The following WDR81 variants were observed in gnomAD, a reference collection of about 807,000 sequenced individuals.
WDR81 encodes WD repeat domain 81, also known as WD repeat-containing protein 81.
Under a neutral mutation model 140.8 loss-of-function variants are expected in WDR81, and 92 were observed. The ratio of observed to expected loss-of-function variants is 0.65; its 90% confidence interval spans 0.55 to 0.78. The LOEUF is 0.78. Ranked by LOEUF, WDR81 falls within the 30% of genes least tolerant of loss-of-function variation. The pLI is 0.00. For missense variants in WDR81, 2,502 were observed against 2,636.4 expected (o/e 0.95, Z 1.12); for synonymous variants, 1,183 against 1,156.4 (o/e 1.02, Z -0.47).
intron 1 of WDR81, among the ~76,000 whole-genome samples, chr17:1,718,168 A>G (rs887221422): frequency 6.6e-6 from 1 of 150,926 alleles, no homozygotes; most frequent in Non-Finnish European, 1.5e-5. Flanking sequence ...CCCAGGCTGG[A>G]GTGCAGTGGC....
At position 1,737,713 on chromosome 17, in the gene WDR81, G is replaced by A; in HGVS notation, c.*28G>A. On this transcript the variant is annotated 3_prime_UTR_variant, in exon 10 of 10. Transcript: ENST00000409644. The stretch of plus-strand genomic sequence containing the variant: ...TGAGGCAGGAGCTGGCCGGGCAAGG[G>A]TGGGAAGACATCTGCGGGCGCGTGT... The A allele has an allele frequency of 1.3e-6, 2 of 1,581,210 alleles. No homozygotes were observed. The highest frequency in any genetic ancestry group is 8.6e-7 in the Non-Finnish European group (1 of 1,165,254).
rs1904312283 is a variant in WDR81, at chr17:1,730,933, C to T, written c.3954C>T (p.Tyr1318=). 6.2e-7 allele frequency: 1 copy of T among 1,613,120 alleles called. No homozygotes were observed. Reference sequence around the variant, plus strand: ...TCCTCACCTACCAGTACCTGCCCTACATCAGCTACCTGGTCAGTCGCTGGT... The same window carrying T: ...TCCTCACCTACCAGTACCTGCCCTATATCAGCTACCTGGTCAGTCGCTGGT... ...EPVLTYQYLP[Y]ISYLVAPGSA... is the part of the protein sequence containing the mutation. Residue 1318 remains tyrosine (Y), a synonymous_variant, in exon 3 of 10, where the codon TAC becomes TAT. Coordinates refer to ENST00000409644, the MANE Select transcript of WDR81 (RefSeq NM_001163809.2).
upstream of WDR81, chr17:1,716,531 G>A: frequency 6.5e-7 from 1 of 1,548,590 alleles, no homozygotes; most frequent in Middle Eastern, 1.7e-4. Context: ...TCAAACGAGA[G>A]TCCTAAAGAG....
rs1190962358 is a variant in WDR81 at position 1,727,390 on chromosome 17, C to T, written c.2431C>T (p.Pro811Ser). 1.2e-5 allele frequency: 18 copies of T among 1,550,168 alleles called. No homozygotes were observed. Among genetic ancestry groups the T allele is most frequent in the African/African-American group, 5.5e-5 (4 of 73,054 alleles). ...QAVRGLCTRH[P>S]KEVPVSLQPV... ...TGTCCGAGGGCTCTGCACGCGCCAC[C>T]CCAAGGAGGTCCCTGTGTCTTTGCA... Residue 811 changes from proline (P) to serine (S), a missense_variant, in exon 1 of 10, where the codon CCC (proline) becomes TCC (serine). Pro to Ser is a moderately conservative substitution (Grantham distance 74). Coordinates refer to ENST00000409644, the MANE Select transcript of WDR81 (RefSeq NM_001163809.2).
chr17:1,723,073 A>G (rs1364861379), upstream of WDR81, among the ~76,000 whole-genome samples: 1 of 152,302 alleles, frequency 6.6e-6, no homozygotes, highest in East Asian at 1.9e-4. Context: ...CTCTCTCCTA[A>G]GAGGGAGACA....
rs1016431213 is a variant in WDR81 at position 1,730,836 on chromosome 17, T to A, written c.3857T>A (p.Val1286Asp). ...GGCAACATCTACCAGAAGAGGCCGG[T>A]CCTGGGCGACATCGTGTCAGGGCCT... is the stretch of plus-strand genomic sequence containing the variant. ...SAGNIYQKRP[V>D]LGDIVSGPVL... Residue 1286 changes from valine to aspartate, a missense_variant, in exon 3 of 10, where the codon GTC becomes GAC. Coordinates refer to ENST00000409644, the MANE Select transcript of WDR81 (RefSeq NM_001163809.2). The A allele has an allele frequency of 1.9e-5, 30 of 1,612,616 alleles. No homozygotes were observed. Among genetic ancestry groups the A allele is most frequent in the Non-Finnish European group, 2.5e-5 (29 of 1,179,982 alleles).
In WDR81 at chr17:1,727,555, C is replaced by T. The variant is rs917036664; in HGVS notation, c.2596C>T (p.Pro866Ser). 2.6e-6 allele frequency: 4 copies of T among 1,550,344 alleles called. No homozygotes were observed. Among genetic ancestry groups the T allele is most frequent in the African/African-American group, 2.7e-5 (2 of 73,038 alleles). The stretch of plus-strand genomic sequence containing the variant: ...ACCCTGCCCAAGCCAGCTTCTCAGC[C>T]CCTTCAGCTCCGTGGTTCCCTTCCC... ...PPPCPSQLLSPFSSVVPFPPY... is the reference protein window; with the variant it reads ...PPPCPSQLLSSFSSVVPFPPY... Residue 866 changes from proline to serine, a missense_variant, in exon 1 of 10, where the codon CCC (proline) becomes TCC (serine). By Grantham distance (74) the Pro-to-Ser change is moderately conservative. Coordinates refer to ENST00000409644, the MANE Select transcript of WDR81 (RefSeq NM_001163809.2).
chr17:1,719,419 C>T (rs1266298821), intron 1 of WDR81, among the ~76,000 whole-genome samples: 4 of 151,374 alleles, frequency 2.6e-5, no homozygotes, highest in African/African-American at 9.7e-5. Context: ...TGGTGGCGGG[C>T]GCCTGTAGTG....
chr17:1,734,251 G>C lies in WDR81; in HGVS notation c.5179+35G>C, dbSNP rs777042434. 2.0e-6 allele frequency: 3 copies of C among 1,507,174 alleles called. No homozygotes were observed. In the African/African-American group the frequency reaches 4.1e-5, roughly 21 times the overall value. The allele number at this position is 1,507,174 out of a possible 1,614,324, so 93.4% of individuals were successfully genotyped here. A position where few individuals can be genotyped will look rare whatever the true frequency, so the allele number is the denominator to read the frequency against. On this transcript the variant is annotated intron_variant, in intron 7 of 9. Coordinates refer to ENST00000409644, the MANE Select transcript of WDR81 (RefSeq NM_001163809.2). The stretch of plus-strand genomic sequence containing the variant: ...CCCAGGTGAGGCCTGTTCTCTTCCT[G>C]CTCCTGCGCCCCACCAGGCCTCCAG...
Position 1,732,982 on chromosome 17 carries a change from C to T in WDR81, c.4489+151C>T, listed in dbSNP as rs549429580. On this transcript the variant is annotated intron_variant, in intron 6 of 9. Transcript: ENST00000409644. ...AAGGGATTTGGCCTCAGACCCCTACCCCCAAGGTGACACACAAACAAGGAC... is the reference window on the plus strand; with the variant it reads ...AAGGGATTTGGCCTCAGACCCCTACTCCCAAGGTGACACACAAACAAGGAC... The T allele has an allele frequency of 2.3e-5, 22 of 961,444 alleles. No homozygotes were observed. In the Middle Eastern group the frequency reaches 1.2e-3, roughly 52 times the overall value. The allele number at this position is 961,444 out of a possible 1,614,324, so 59.6% of individuals were successfully genotyped here. A position where few individuals can be genotyped will look rare whatever the true frequency, so the allele number is the denominator to read the frequency against.
intron 6 of WDR81, 117 bp downstream of exon 6, chr17:1,732,948 G>GT: frequency 7.4e-7 from 1 of 1,356,504 alleles, no homozygotes; most frequent in Middle Eastern, 1.9e-4. Context: ...AGCAGGATGG[G>GT]TGAGAGCAAA....
intron 9 of WDR81, 82 bp downstream of exon 9, chr17:1,736,300 C>A (rs1199003326): frequency 6.7e-7 from 1 of 1,482,662 alleles, no homozygotes; most frequent in South Asian, 1.3e-5. Context: ...TCTGCCTGCC[C>A]GGGTTCAGGC....
chr17:1,726,868 G>A lies in WDR81; in HGVS notation c.1909G>A (p.Val637Ile), dbSNP rs1398153144. 6.4e-7 allele frequency: 1 copy of A among 1,550,394 alleles called. No homozygotes were observed. The highest frequency in any genetic ancestry group is 8.7e-7 in the Non-Finnish European group (1 of 1,146,970). The part of the protein sequence containing the change: ...GQLPNGVGRP[V>I]LEATPCEASW... ...GCTTCCAAATGGAGTGGGCCGGCCA[G>A]TTTTAGAGGCCACTCCCTGTGAGGC... Residue 637 changes from valine to isoleucine, a missense_variant, in exon 1 of 10, where the codon GTT becomes ATT. Physicochemically the swap from Val to Ile is conservative, Grantham distance 29 (BLOSUM62 3). Around this residue, in one of 3 missense-constraint regions of WDR81, gnomAD observed 1,737 missense variants for 1,843.0 expected, o/e 0.94. Coordinates refer to ENST00000409644, the MANE Select transcript of WDR81 (RefSeq NM_001163809.2).
upstream of WDR81, among the ~76,000 whole-genome samples, chr17:1,722,773 A>G (rs1268088520): frequency 6.8e-6 from 1 of 147,544 alleles, no homozygotes; most frequent in Non-Finnish European, 1.5e-5. Flanking sequence ...GCTCACTGCA[A>G]CCTCCGCCTC....
Position 1,726,588 on chromosome 17 carries a change from T to C in WDR81, c.1629T>C (p.His543=), listed in dbSNP as rs1380785988. 1.3e-6 allele frequency: 2 copies of C among 1,550,020 alleles called. No homozygotes were observed. The highest frequency in any genetic ancestry group is 1.7e-6 in the Non-Finnish European group (2 of 1,146,908). ...ESREVSRDLH[H]WIDLTFGYKL... ...GCGAGGTATCCCGGGACCTGCACCATTGGATCGACCTCACGTTTGGCTATA... is the reference window on the plus strand; with the variant it reads ...GCGAGGTATCCCGGGACCTGCACCACTGGATCGACCTCACGTTTGGCTATA... Residue 543 remains histidine, a synonymous_variant, in exon 1 of 10, where the codon CAT becomes CAC. Transcript: ENST00000409644.
chr17:1,737,168 G>A (rs919053848), intron 9 of WDR81, among the ~76,000 whole-genome samples, 197 bp from the exon 10 acceptor site: 7 of 152,198 alleles, frequency 4.6e-5, no homozygotes, highest in Admixed American at 1.3e-4. Context: ...TTAGAGTGAC[G>A]ACTGGGTTAC....
At position 1,727,486 on chromosome 17, in the gene WDR81, G is replaced by A. The variant is rs1203207054; in HGVS notation, c.2527G>A (p.Asp843Asn). The change falls in exon 1 of 10, where the codon GAC becomes AAC. Residue 843 changes from aspartate (D) to asparagine (N), a missense_variant. Physicochemically the swap from Asp to Asn is conservative, Grantham distance 23 (BLOSUM62 1). Around this residue, in one of 3 missense-constraint regions of WDR81, gnomAD observed 1,737 missense variants for 1,843.0 expected, o/e 0.94. Coordinates refer to ENST00000409644, the MANE Select transcript of WDR81 (RefSeq NM_001163809.2). ...VPMGAERGKLDQLFEYRPVSQ... is the reference protein window; with the variant it reads ...VPMGAERGKLNQLFEYRPVSQ... Reference sequence around the variant, plus strand: ...CATGGGAGCAGAGAGGGGCAAGCTGGACCAACTGTTTGAGTACAGGCCTGT... The same window carrying A: ...CATGGGAGCAGAGAGGGGCAAGCTGAACCAACTGTTTGAGTACAGGCCTGT... The A allele has an allele frequency of 6.4e-6, 10 of 1,550,396 alleles. No individual in the cohort carries two copies. The highest frequency in any genetic ancestry group is 8.7e-6 in the Non-Finnish European group (10 of 1,146,996).
upstream of WDR81, among the ~76,000 whole-genome samples, chr17:1,723,516 C>T (rs896986329): frequency 2.8e-5 from 4 of 142,208 alleles, no homozygotes; most frequent in East Asian, 2.1e-4. Flanking sequence ...GACGGAGTCT[C>T]GCTCTGTTGC....
chr17:1,735,957 T>C lies in WDR81; in HGVS notation c.5326-82T>C. 1.3e-6 allele frequency: 2 copies of C among 1,512,156 alleles called. No individual in the cohort carries two copies. Among genetic ancestry groups the C allele is most frequent in the Non-Finnish European group, 1.8e-6 (2 of 1,133,336 alleles). The allele number at this position is 1,512,156 out of a possible 1,614,324, so 93.7% of individuals were successfully genotyped here. On this transcript the variant is annotated intron_variant, in intron 8 of 9. Transcript: ENST00000409644. The surrounding 1 kb of genome is among the most constrained non-coding windows in gnomAD (Gnocchi z 4.2). ...GTCAGAGGCTCAGGCCTTCCTGCTG[T>C]GTGGGCTTGGGTGGTGGGCAGGGCC...
Sources: gnomAD v4.1 joint callset for allele counts (sites outside exome capture counted in the v4.1 genomes callset) on GRCh38, gnomAD v4.1.1 for gene constraint, gnomAD v4.1.1 regional missense constraint, Gnocchi (gnomAD v3.1) non-coding constraint, MANE v1.5 for transcripts, NCBI Gene and HGNC (gene_info 2026-07-23, HGNC 2026-07-21) for gene names.